Variants in CCDC144A observed in about 807,000 individuals in gnomAD.
The protein encoded by CCDC144A is coiled-coil domain-containing protein 144A.
Under a neutral mutation model 143.8 loss-of-function variants are expected in CCDC144A, and 41 were observed. That is an observed-to-expected ratio of 0.29 (90% confidence interval 0.22 to 0.37). CCDC144A has a LOEUF of 0.37. CCDC144A is among the 10% of genes least tolerant of loss of function. The pLI, the probability that CCDC144A is intolerant of heterozygous loss-of-function variation, is 1.00. For missense variants in CCDC144A, 637 were observed against 1,488.8 expected (o/e 0.43, Z 9.41); for synonymous variants, 242 against 517.9 (o/e 0.47, Z 7.23).
intron 12 of CCDC144A, among the ~76,000 whole-genome samples, chr17:16,750,201 C>A (rs1392559625): frequency 6.6e-6 from 1 of 151,920 alleles, no homozygotes; most frequent in Non-Finnish European, 1.5e-5. Flanking sequence ...GGGCTATGTA[C>A]TTAGGTGTGT....
chr17:16,745,741 G>A (rs1200153356), intron 12 of CCDC144A: 42 of 1,613,850 alleles, frequency 2.6e-5, no homozygotes, highest in Middle Eastern at 1.6e-4. Context: ...GGATCATACA[G>A]CTGCAAGGCT....
chr17:16,733,230 G>GTT, intron 11 of CCDC144A, among the ~76,000 whole-genome samples: 1 of 148,686 alleles, frequency 6.7e-6, no homozygotes, highest in Middle Eastern at 3.4e-3. Flanking sequence ...ATTGGTAAGT[G>GTT]TTTTTTCTTA....
At chr17:16,708,605 C>T (rs1912189808) in intron 4 of CCDC144A, 191 bp from the exon 5 acceptor site, 4 of 682,088 alleles carry the variant, frequency 5.9e-6, no homozygotes, top group South Asian at 5.8e-5. Flanking sequence ...AGTTACAAGC[C>T]AGTGATTTGG....
upstream of CCDC144A, among the ~76,000 whole-genome samples, chr17:16,687,431 T>C (rs1241281453): frequency 6.6e-6 from 1 of 151,932 alleles, no homozygotes. Context: ...ACAATATTAG[T>C]CTTTTGTTTT....
At chr17:16,680,062 GT>G in the CCDC144A span, among the ~76,000 whole-genome samples, 1 of 152,082 alleles carries the variant, frequency 6.6e-6, no homozygotes, top group South Asian at 2.1e-4. Context: ...TTTATATGGT[GT>G]TAACATGTCT....
At chr17:16,768,793 T>A (rs1173190159) in intron 15 of CCDC144A, among the ~76,000 whole-genome samples, 14 of 151,558 alleles carry the variant, frequency 9.2e-5, no homozygotes, top group African/African-American at 2.4e-5. Flanking sequence ...TATATTTCTT[T>A]AAAAAAATTT....
chr17:16,743,496 T>C (rs1260489855), intron 12 of CCDC144A, among the ~76,000 whole-genome samples: 2 of 152,054 alleles, frequency 1.3e-5, no homozygotes, highest in Non-Finnish European at 2.9e-5. Flanking sequence ...TGTAACCTTG[T>C]AATATATTTT....
At chr17:16,716,812 GT>G (rs1281244236) in intron 6 of CCDC144A, among the ~76,000 whole-genome samples, 1,641 of 131,176 alleles carry the variant, frequency 0.013, 3 homozygotes, top group Non-Finnish European at 0.019. Context: ...GATTCCAGCT[GT>G]TTTTTTTTTT....
At chr17:16,691,329 C>A (rs1911057287) in intron 1 of CCDC144A, among the ~76,000 whole-genome samples, 1 of 152,122 alleles carries the variant, frequency 6.6e-6, no homozygotes, top group South Asian at 2.1e-4. Flanking sequence ...GGACCCTTTT[C>A]TTAGATCGTG....
At chr17:16,731,485 G>A (rs1426099573) in intron 9 of CCDC144A, 6 of 187,416 alleles carry the variant, frequency 3.2e-5, no homozygotes, top group South Asian at 1.0e-4. Flanking sequence ...CTTGCATAAC[G>A]TGAAAAAGAA....
chr17:16,717,169 T>G (rs986295900), intron 6 of CCDC144A, among the ~76,000 whole-genome samples: 1 of 144,760 alleles, frequency 6.9e-6, no homozygotes, highest in Non-Finnish European at 1.5e-5. Context: ...CAGGCTGGAG[T>G]GCAGTGGCAA....
At chr17:16,743,128 T>C (rs534617504) in intron 12 of CCDC144A, among the ~76,000 whole-genome samples, 10 of 152,360 alleles carry the variant, frequency 6.6e-5, no homozygotes, top group African/African-American at 2.4e-4. Context: ...TTTTTGCATA[T>C]GCCCGTGATA....
intron 8 of CCDC144A, among the ~76,000 whole-genome samples, 155 bp downstream of exon 8, chr17:16,720,813 T>A (rs1463866495): frequency 1.3e-5 from 2 of 152,224 alleles, no homozygotes; most frequent in African/African-American, 4.8e-5. Context: ...CAAAGAGCTA[T>A]GATAACTCCA....
At chr17:16,737,980 AT>A (rs1287405779) in intron 12 of CCDC144A, among the ~76,000 whole-genome samples, 1 of 150,618 alleles carries the variant, frequency 6.6e-6, no homozygotes, top group Non-Finnish European at 1.5e-5. Context: ...GTGAAGTAGT[AT>A]TTTTTTAGTG....
intron 12 of CCDC144A, among the ~76,000 whole-genome samples, chr17:16,743,616 T>C (rs990209999): frequency 6.6e-6 from 1 of 152,214 alleles, no homozygotes; most frequent in Non-Finnish European, 1.5e-5. Context: ...TTTTTCCATT[T>C]CTGTGAAGAA....
chr17:16,762,964 C>G (rs1272589035), intron 14 of CCDC144A, among the ~76,000 whole-genome samples: 1 of 146,614 alleles, frequency 6.8e-6, no homozygotes, highest in Non-Finnish European at 1.5e-5. Flanking sequence ...CAGCTGAAAA[C>G]AGAAAGGGTC....
In CCDC144A at chr17:16,737,418, G is replaced by A. The variant is rs1203517234; in HGVS notation, c.3372+1775G>A. On this transcript the variant is annotated intron_variant, in intron 12 of 16. Transcript: ENST00000399273. The stretch of plus-strand genomic sequence containing the variant: ...CCTGACCTCGTGATCCGCCCGCCTC[G>A]GCCTCCCAAAGTGCTGGGATTACAG... The A allele has an allele frequency of 3.7e-6, 4 of 1,073,836 alleles. No homozygotes were observed. In the East Asian group the frequency reaches 1.8e-4, roughly 49 times the overall value. 66.5% of individuals were successfully genotyped at this position (1,073,836 alleles called of 1,614,324 possible). A position where few individuals can be genotyped will look rare whatever the true frequency, so the allele number is the denominator to read the frequency against.
intron 2 of CCDC144A, among the ~76,000 whole-genome samples, chr17:16,700,373 T>TCTCCC (rs1421719410): frequency 1.3e-5 from 2 of 152,100 alleles, no homozygotes; most frequent in Non-Finnish European, 2.9e-5. Flanking sequence ...CCACCTCTCC[T>TCTCCC]CTCCCTCACA....
rs1038101741 is a variant in CCDC144A at position 16,698,695 on chromosome 17, GACA to G, written c.415+5655_415+5657del. ...TGAATGCATTCCCAAACAAACATCT[GACA>G]ACAACAACTGGAAGCCACCACCAGA... On this transcript the variant is annotated intron_variant, in intron 2 of 16. Coordinates refer to ENST00000399273, the MANE Select transcript of CCDC144A (RefSeq NM_001382000.1). Among the ~76,000 whole-genome samples the G allele has an allele frequency of 9.9e-5, 15 of 152,094 alleles. 1 individual carries two copies. The highest frequency in any genetic ancestry group is 3.9e-4 in the Admixed American group (6 of 15,270).
Sources: gnomAD v4.1 joint callset for allele counts (sites outside exome capture counted in the v4.1 genomes callset) on GRCh38, gnomAD v4.1.1 for gene constraint, MANE v1.5 for transcripts, NCBI Gene and HGNC (gene_info 2026-07-23, HGNC 2026-07-21) for gene names.